Variants in TOGARAM2 observed in about 807,000 individuals in gnomAD.
The protein encoded by TOGARAM2 is TOG array regulator of axonemal microtubules 2, also known as TOG array regulator of axonemal microtubules protein 2.
A neutral mutation model predicts 93.3 loss-of-function variants in TOGARAM2; 85 were observed. That is an observed-to-expected ratio of 0.91 (90% CI 0.76 to 1.09). TOGARAM2 has a LOEUF of 1.09. Among genes scored for constraint, TOGARAM2 ranks in the 50% least tolerant of loss-of-function variants. The pLI, the probability that TOGARAM2 is intolerant of heterozygous loss-of-function variation, is 0.00. For missense variants in TOGARAM2, 1,277 were observed against 1,334.5 expected, an observed-to-expected ratio of 0.96 and a Z score of 0.67; for synonymous variants, 593 against 552.8, an observed-to-expected ratio of 1.07 and a Z score of -1.02.
chr2:28,963,633 C>T (rs1295347462), intron 1 of TOGARAM2, among the ~76,000 whole-genome samples: 1 of 152,212 alleles, frequency 6.6e-6, no homozygotes, highest in Non-Finnish European at 1.5e-5. Flanking sequence ...TGTCCTCCCG[C>T]CTTGGCTTCC....
chr2:28,966,653 C>G (rs554967618), intron 1 of TOGARAM2, among the ~76,000 whole-genome samples: 1 of 152,168 alleles, frequency 6.6e-6, no homozygotes, highest in Non-Finnish European at 1.5e-5. Context: ...AGTAGAAAAT[C>G]TTGAAATAAC....
chr2:29,017,116 A>G (rs1430308282), intron 8 of TOGARAM2, 38 bp from the exon 9 acceptor site: 1 of 1,596,294 alleles, frequency 6.3e-7, no homozygotes, highest in Non-Finnish European at 8.5e-7. Flanking sequence ...GATTGAATGA[A>G]TGGGAGGTTA....
upstream of TOGARAM2, among the ~76,000 whole-genome samples, chr2:28,980,379 G>T (rs1672131648): frequency 6.6e-6 from 1 of 152,224 alleles, no homozygotes; most frequent in Admixed American, 6.5e-5. Context: ...GGTGTAGTTG[G>T]CCTCCCACCA....
intron 1 of TOGARAM2, among the ~76,000 whole-genome samples, chr2:28,983,200 T>TATATATATATATA (rs1558400424): frequency 3.3e-4 from 7 of 21,260 alleles, no homozygotes; most frequent in African/African-American, 1.2e-3. Flanking sequence ...ATATATATAT[T>TATATATATATATA]TTTTTTTTTT....
At chr2:29,032,205 C>G (rs560208225) in intron 14 of TOGARAM2, among the ~76,000 whole-genome samples, 47 of 152,316 alleles carry the variant, frequency 3.1e-4, no homozygotes, top group South Asian at 1.4e-3. Flanking sequence ...TCATGTCTCC[C>G]TAAACAGGGT....
intron 19 of TOGARAM2, chr2:29,046,412 C>T (rs1180969799): frequency 6.6e-6 from 1 of 152,286 alleles, no homozygotes; most frequent in East Asian, 1.9e-4. Context: ...TTGGGAAGGT[C>T]CCATCTAGGG....
At chr2:29,020,116 A>C (rs1490099133) in intron 10 of TOGARAM2, among the ~76,000 whole-genome samples, 1 of 152,184 alleles carries the variant, frequency 6.6e-6, no homozygotes, top group Non-Finnish European at 1.5e-5. Context: ...TGGACAGCAC[A>C]ATCTAAGCTG....
At chr2:28,992,886 C>T (rs2329766) in intron 1 of TOGARAM2, among the ~76,000 whole-genome samples, 58,137 of 151,726 alleles carry the variant, frequency 0.38, 13,602 homozygotes, top group Non-Finnish European at 0.53. Flanking sequence ...ATGGTGAAAC[C>T]CCATCTCTGC....
At chr2:28,974,128 T>TTTA (rs1671992381) in intron 1 of TOGARAM2, among the ~76,000 whole-genome samples, 1 of 5,670 alleles carries the variant, frequency 1.8e-4, no homozygotes, top group Admixed American at 2.7e-3. Flanking sequence ...TAATATATCC[T>TTTA]TTTTTTTTTT....
In TOGARAM2 at chr2:28,992,257, C is replaced by T. The variant is rs545000497; in HGVS notation, c.-110-2468C>T. Among the ~76,000 whole-genome samples the T allele has an allele frequency of 5.9e-4, 90 of 152,232 alleles. No homozygotes were observed. In the South Asian group the frequency reaches 7.7e-3, roughly 13 times the overall value. On this transcript the variant is annotated intron_variant, in intron 1 of 19. Coordinates refer to ENST00000379558, the MANE Select transcript of TOGARAM2 (RefSeq NM_199280.4). ...TTTCCTGGGGTGGTGCCTCTCACTGCGCTCACGTTAGTCAGGCTTGTTTGT... is the reference window on the plus strand; with the variant it reads ...TTTCCTGGGGTGGTGCCTCTCACTGTGCTCACGTTAGTCAGGCTTGTTTGT...
Position 29,003,672 on chromosome 2 carries a change from CCA to C in TOGARAM2, c.822_823del (p.Arg275HisfsTer53). On this transcript the variant is annotated frameshift_variant, in exon 6 of 20. Coordinates refer to ENST00000379558, the MANE Select transcript of TOGARAM2 (RefSeq NM_199280.4). LOFTEE classifies it high-confidence loss of function. The stretch of plus-strand genomic sequence containing the variant: ...GGGAGTCCTCACAGGCCTGAGGGCC[CCA>C]CGCACGCGGTAAGAGCTCCAAGTCA... ...GQGVLTGLRA[P>X]RTRLARGSGP... is the part of the protein sequence containing the mutation. The C allele has an allele frequency of 6.5e-7, 1 of 1,542,138 alleles. No homozygotes were observed. Among genetic ancestry groups the C allele is most frequent in the South Asian group, 1.2e-5 (1 of 82,514 alleles).
chr2:29,002,179 A>G (rs1049612730), intron 4 of TOGARAM2, among the ~76,000 whole-genome samples: 1 of 152,188 alleles, frequency 6.6e-6, no homozygotes, highest in African/African-American at 2.4e-5. Context: ...CCCATTTCAC[A>G]GAAGTGTAAT....
At chr2:28,968,794 G>C (rs1000980295) in intron 1 of TOGARAM2, among the ~76,000 whole-genome samples, 2 of 142,106 alleles carry the variant, frequency 1.4e-5, no homozygotes, top group Non-Finnish European at 3.0e-5. Flanking sequence ...CTCCAGCCAG[G>C]GTGACAGAGT....
chr2:28,964,454 C>A (rs921903294), intron 1 of TOGARAM2, among the ~76,000 whole-genome samples: 14 of 147,472 alleles, frequency 9.5e-5, no homozygotes, highest in Non-Finnish European at 1.8e-4. Context: ...GTAAATAGCA[C>A]CTAATTGGGT....
Position 29,017,806 on chromosome 2 carries a change from C to G in TOGARAM2, c.1210C>G (p.Arg404Gly). The change falls in exon 10 of 20, where the codon CGG becomes GGG. Residue 404 changes from arginine (R) to glycine (G), a missense_variant. Coordinates refer to ENST00000379558, the MANE Select transcript of TOGARAM2 (RefSeq NM_199280.4). ...AFMKEGLLPL[R>G]GSGTLSVPTR... ...TGTGTCCACAGGCCTCCTTCCCCTC[C>G]GGGGCAGCGGGACACTGTCTGTGCC... The G allele has an allele frequency of 6.2e-7, 1 of 1,609,744 alleles. No homozygotes were observed. Among genetic ancestry groups the G allele is most frequent in the Non-Finnish European group, 8.5e-7 (1 of 1,177,412 alleles).
chr2:29,012,278 G>T lies in TOGARAM2; in HGVS notation c.877+777G>T, dbSNP rs550008892. Among the ~76,000 whole-genome samples, 32 of 152,340 alleles carry T rather than the reference G, an allele frequency of 2.1e-4. No homozygotes were observed. In the South Asian group the frequency reaches 6.2e-3, roughly 30 times the overall value. On this transcript the variant is annotated intron_variant, in intron 7 of 19. Coordinates refer to ENST00000379558, the MANE Select transcript of TOGARAM2 (RefSeq NM_199280.4). ...AGGAGGGGTGGCCTCCCCAGGACCAGCTTCCTGGCAGGTCACTCTGCTAAT... is the reference window on the plus strand; with the variant it reads ...AGGAGGGGTGGCCTCCCCAGGACCATCTTCCTGGCAGGTCACTCTGCTAAT...
chr2:28,996,195 C>A (rs1342814402), intron 2 of TOGARAM2, among the ~76,000 whole-genome samples: 1 of 152,174 alleles, frequency 6.6e-6, no homozygotes, highest in East Asian at 1.9e-4. Flanking sequence ...GAGTAATGAT[C>A]AAATTAGGGT....
chr2:28,977,733 G>T (rs1672057988), upstream of TOGARAM2, among the ~76,000 whole-genome samples: 1 of 152,146 alleles, frequency 6.6e-6, no homozygotes, highest in Non-Finnish European at 1.5e-5. Flanking sequence ...TGGCTGGTGG[G>T]CCAGGAGAGG....
intron 19 of TOGARAM2, chr2:29,047,920 G>A (rs939305827): frequency 6.6e-6 from 1 of 151,868 alleles, no homozygotes; most frequent in Middle Eastern, 3.2e-3. Context: ...CCAGCCTTTG[G>A]TGGGGGTGGG....
Sources: gnomAD v4.1 joint callset for allele counts (sites outside exome capture counted in the v4.1 genomes callset) on GRCh38, gnomAD v4.1.1 for gene constraint, MANE v1.5 for transcripts, NCBI Gene and HGNC (gene_info 2026-07-23, HGNC 2026-07-21) for gene names.